RFLNA: variants seen among roughly 807,000 people sequenced by gnomAD.
The protein encoded by RFLNA is refilin-A.
Under a neutral mutation model 7.8 loss-of-function variants are expected in RFLNA, and 5 were observed. The ratio of observed to expected loss-of-function variants is 0.64; its 90% CI spans 0.34 to 1.35. RFLNA has a LOEUF of 1.35. Ranked by LOEUF, RFLNA falls within the 40% of genes most tolerant of loss-of-function variation. RFLNA has a pLI of 0.04. For synonymous variants in RFLNA, 141 were observed against 131.3 expected, an observed-to-expected ratio of 1.07 and a Z score of -0.50; for missense variants, 278 against 305.5, an observed-to-expected ratio of 0.91 and a Z score of 0.67.
In RFLNA at chr12:124,295,352, G is replaced by C; in HGVS notation, c.-78G>C. ...CCGGGCGCGCAGCTCTCGCCCCGCCGCCGCCTGCCCCGGGCCCCGGAGCGC... is the reference window on the plus strand; with the variant it reads ...CCGGGCGCGCAGCTCTCGCCCCGCCCCCGCCTGCCCCGGGCCCCGGAGCGC... On this transcript the variant is annotated 5_prime_UTR_variant, in exon 1 of 3. Coordinates refer to ENST00000546355, the MANE Select transcript of RFLNA (RefSeq NM_001365156.1). 2.2e-6 allele frequency: 2 copies of C among 902,062 alleles called. No homozygotes were observed. Among genetic ancestry groups the C allele is most frequent in the South Asian group, 5.5e-5 (1 of 18,286 alleles). The allele number at this position is 902,062 out of a possible 1,614,324, so 55.9% of individuals were successfully genotyped here. A position where few individuals can be genotyped will look rare whatever the true frequency, so the allele number is the denominator to read the frequency against.
intron 1 of RFLNA, among the ~76,000 whole-genome samples, chr12:124,308,583 C>T (rs2034179449): frequency 6.6e-6 from 1 of 152,228 alleles, no homozygotes; most frequent in South Asian, 2.1e-4. Flanking sequence ...CCCCACCTCC[C>T]AGGGAGAGGG....
intron 1 of RFLNA, among the ~76,000 whole-genome samples, chr12:124,301,870 G>A (rs890888711): frequency 3.3e-5 from 5 of 152,302 alleles, no homozygotes; most frequent in African/African-American, 1.2e-4. Flanking sequence ...CCGTGACAAA[G>A]TGCCACAGAC....
At chr12:124,297,945 A>G (rs1185640360) in intron 1 of RFLNA, among the ~76,000 whole-genome samples, 1 of 152,126 alleles carries the variant, frequency 6.6e-6, no homozygotes, top group East Asian at 1.9e-4. Flanking sequence ...TTTTAGGTGC[A>G]AATATCGGCA....
chr12:124,293,382 A>G (rs1052535732), upstream of RFLNA, among the ~76,000 whole-genome samples: 2 of 152,144 alleles, frequency 1.3e-5, no homozygotes, highest in Non-Finnish European at 2.9e-5. Context: ...GACTTTCTCC[A>G]GGGAAGCAGA....
chr12:124,309,408 T>C (rs1190156920), intron 1 of RFLNA, among the ~76,000 whole-genome samples: 2 of 152,220 alleles, frequency 1.3e-5, no homozygotes, highest in Non-Finnish European at 2.9e-5. Flanking sequence ...AGCCTCTGTT[T>C]GCCACCATGG....
rs561996001 is a variant in RFLNA, at chr12:124,311,710, G to T, written c.208-108G>T. On this transcript the variant is annotated intron_variant, in intron 1 of 2. Transcript: ENST00000546355. Reference sequence around the variant, plus strand: ...GATGGGCCCCACCAAGCAGCTTCCAGACCAAGCCAGGGCCAGAGGGTGTCA... The same window carrying T: ...GATGGGCCCCACCAAGCAGCTTCCATACCAAGCCAGGGCCAGAGGGTGTCA... 6 of 1,114,722 alleles carry T rather than the reference G, an allele frequency of 5.4e-6. No homozygotes were observed. In the East Asian group the frequency reaches 1.9e-4, roughly 36 times the overall value. The allele number at this position is 1,114,722 out of a possible 1,614,324, so 69.1% of individuals were successfully genotyped here. A position where few individuals can be genotyped will look rare whatever the true frequency, so the allele number is the denominator to read the frequency against.
upstream of RFLNA, among the ~76,000 whole-genome samples, chr12:124,292,584 AC>A (rs1434469354): frequency 2.0e-5 from 3 of 152,188 alleles, no homozygotes; most frequent in Non-Finnish European, 2.9e-5. Flanking sequence ...GGTCATGGTC[AC>A]TGGGGCCATC....
intron 1 of RFLNA, among the ~76,000 whole-genome samples, chr12:124,296,100 CTT>C (rs747352455): frequency 1.9e-4 from 1 of 5,200 alleles, no homozygotes. Flanking sequence ...TTCTTTCTTT[CTT>C]TCTTTCTTTC....
chr12:124,295,678 C>G, intron 1 of RFLNA, 42 bp downstream of exon 1: 5 of 1,220,724 alleles, frequency 4.1e-6, no homozygotes, highest in Non-Finnish European at 5.1e-6. Flanking sequence ...ACCGCGTGGG[C>G]GGGTGGGTGA....
At chr12:124,305,562 CAGAA>C (rs150896091) in intron 1 of RFLNA, among the ~76,000 whole-genome samples, 574 of 152,320 alleles carry the variant, frequency 3.8e-3, no homozygotes, top group African/African-American at 0.012. Context: ...TCTGGAGGCT[CAGAA>C]AGAGTCCATT....
At position 124,306,475 on chromosome 12, in the gene RFLNA, C is replaced by T. The variant is rs1006692929; in HGVS notation, c.208-5343C>T. On this transcript the variant is annotated intron_variant, in intron 1 of 2. Coordinates refer to ENST00000546355, the MANE Select transcript of RFLNA (RefSeq NM_001365156.1). This position sits in a 1 kb window ranked among gnomAD's most constrained non-coding sequence, Gnocchi z 5.2. ...AATCCTTGAGCCTGTGTCGGGGGAG[C>T]CTGGAGCTGAGGGGGCAGCGATGAG... Among the ~76,000 whole-genome samples the T allele has an allele frequency of 1.3e-5, 2 of 151,970 alleles. No individual in the cohort carries two copies. Among genetic ancestry groups the T allele is most frequent in the Non-Finnish European group, 2.9e-5 (2 of 67,988 alleles).
chr12:124,313,313 C>T lies in RFLNA; in HGVS notation c.318-879C>T, dbSNP rs757319194. 2.6e-4 allele frequency among the ~76,000 whole-genome samples: 40 copies of T among 152,276 alleles called. No individual in the cohort carries two copies. The Middle Eastern group carries it at 0.01, about 39-fold the overall frequency. On this transcript the variant is annotated intron_variant, in intron 2 of 2. Coordinates refer to ENST00000546355, the MANE Select transcript of RFLNA (RefSeq NM_001365156.1). ...GCTCTGGACGTGGAACTGGGGGATA[C>T]TAGTCGGTCACTCCTCCAAGGGTGT...
At chr12:124,296,080 C>CTTTCTTTCTTTCTTTCT in intron 1 of RFLNA, among the ~76,000 whole-genome samples, 1 of 5,266 alleles carries the variant, frequency 1.9e-4, no homozygotes, top group South Asian at 0.019. Flanking sequence ...CCTTTTCTTT[C>CTTTCTTTCTTTCTTTCT]TTTCTTTCTT....
chr12:124,307,129 G>A (rs1229210772), intron 1 of RFLNA, among the ~76,000 whole-genome samples: 9 of 152,232 alleles, frequency 5.9e-5, no homozygotes, highest in South Asian at 2.1e-4. Flanking sequence ...CGGGGGCATC[G>A]TGATCTGGGT....
intron 1 of RFLNA, among the ~76,000 whole-genome samples, chr12:124,302,524 T>C (rs901903562): frequency 6.6e-6 from 1 of 151,988 alleles, no homozygotes; most frequent in African/African-American, 2.4e-5. Flanking sequence ...TAGTGCCACG[T>C]TGGGGGAGAT....
At chr12:124,312,382 C>T (rs1361532691) in intron 2 of RFLNA, among the ~76,000 whole-genome samples, 2 of 151,314 alleles carry the variant, frequency 1.3e-5, no homozygotes, top group Admixed American at 6.6e-5. Context: ...GGGATCATGG[C>T]TCACTGCAGC....
At chr12:124,292,857 A>G (rs1253467260), upstream of RFLNA, among the ~76,000 whole-genome samples, 2 of 152,214 alleles carry the variant, frequency 1.3e-5, no homozygotes, top group Non-Finnish European at 2.9e-5. Context: ...ATCACCACAA[A>G]TGGTATTTCG....
intron 1 of RFLNA, among the ~76,000 whole-genome samples, chr12:124,304,624 A>T (rs1415497301): frequency 6.6e-6 from 1 of 152,240 alleles, no homozygotes; most frequent in African/African-American, 2.4e-5. Context: ...CCACAGCACA[A>T]AGGCTTTGCC....
At chr12:124,303,390 C>T (rs1463968470) in intron 1 of RFLNA, among the ~76,000 whole-genome samples, 4 of 152,194 alleles carry the variant, frequency 2.6e-5, no homozygotes, top group South Asian at 2.1e-4. Flanking sequence ...GGCGAGTGTC[C>T]ACAGGACCCA....
Sources: gnomAD v4.1 joint callset for allele counts (sites outside exome capture counted in the v4.1 genomes callset) on GRCh38, gnomAD v4.1.1 for gene constraint, Gnocchi (gnomAD v3.1) non-coding constraint, MANE v1.5 for transcripts, NCBI Gene and HGNC (gene_info 2026-07-23, HGNC 2026-07-21) for gene names.